The following GPS1 variants were observed in gnomAD, a reference collection of about 807,000 sequenced individuals.
GPS1 encodes COP9 signalosome complex subunit 1.
Under a neutral mutation model 60.0 loss-of-function variants are expected in GPS1, and 11 were observed. The observed-to-expected ratio is 0.18, with a 90% CI of 0.12 to 0.30. The LOEUF is 0.30. Ranked by LOEUF, GPS1 falls within the 10% of genes least tolerant of loss-of-function variation. GPS1 has a pLI of 1.00. For synonymous variants in GPS1, 343 were observed against 269.8 expected, an observed-to-expected ratio of 1.27 and a Z score of -2.66; for missense variants, 543 against 669.2, an observed-to-expected ratio of 0.81 and a Z score of 2.08.
chr17:82,055,437 G>C (rs1019293585), intron 6 of GPS1: 5 of 628,582 alleles, frequency 8.0e-6, no homozygotes, highest in Non-Finnish European at 8.5e-6. Flanking sequence ...TGCTGTCACT[G>C]TGGGCGTGAG....
upstream of GPS1, chr17:82,051,163 G>A (rs1415150119): frequency 3.1e-6 from 4 of 1,305,506 alleles, no homozygotes; most frequent in African/African-American, 1.5e-5. The surrounding 1 kb of genome is among the most constrained non-coding windows in gnomAD (Gnocchi z 4.1). Flanking sequence ...CCTGGGCAGC[G>A]TCGGGGCCTC....
Position 82,056,992 on chromosome 17 carries a change from G to T in GPS1, c.1389+18G>T, listed in dbSNP as rs747833200. ...ATGTCAAGGTGGGCTGGCTTGAGGG[G>T]GGGCAGGCGCACGGCGTGTGGGGCC... On this transcript the variant is annotated intron_variant, in intron 12 of 12. Coordinates refer to ENST00000578552, the MANE Select transcript of GPS1 (RefSeq NM_001321092.3). 2 of 1,612,474 alleles carry T rather than the reference G, an allele frequency of 1.2e-6. No homozygotes were observed. Among genetic ancestry groups the T allele is most frequent in the South Asian group, 1.1e-5 (1 of 91,056 alleles).
At chr17:82,051,140 G>A (rs1004391283), upstream of GPS1, 11 of 1,317,294 alleles carry the variant, frequency 8.4e-6, no homozygotes, top group Admixed American at 1.9e-4. The surrounding 1 kb of genome is among the most constrained non-coding windows in gnomAD (Gnocchi z 4.1). Context: ...TGGGCCCTCC[G>A]CAGGCCGCGT....
At chr17:82,051,327 C>T (rs1196198067), upstream of GPS1, 9 of 1,449,536 alleles carry the variant, frequency 6.2e-6, no homozygotes, top group Non-Finnish European at 8.1e-6. The surrounding 1 kb of genome is among the most constrained non-coding windows in gnomAD (Gnocchi z 4.1). Context: ...TCGTCCCCGT[C>T]GGTGAAGATA....
At chr17:82,051,647 G>T, upstream of GPS1, 4 of 1,064,720 alleles carry the variant, frequency 3.8e-6, no homozygotes, top group Non-Finnish European at 4.5e-6. The surrounding 1 kb of genome is among the most constrained non-coding windows in gnomAD (Gnocchi z 4.1). Flanking sequence ...GCGGGGCCGG[G>T]GCGGGGGTCC....
At position 82,057,157 on chromosome 17, in the gene GPS1, C is replaced by A; in HGVS notation, c.*30C>A. 1 of 1,568,684 alleles carries A rather than the reference C, an allele frequency of 6.4e-7. No homozygotes were observed. The highest frequency in any genetic ancestry group is 1.2e-5 in the South Asian group (1 of 84,490). On this transcript the variant is annotated 3_prime_UTR_variant, in exon 13 of 13. Coordinates refer to ENST00000578552, the MANE Select transcript of GPS1 (RefSeq NM_001321092.3). ...TGAACCTTGGCCTCCAGGACATCTG[C>A]ACCCCCTCCCCACCTCCACGGACCT... is the stretch of plus-strand genomic sequence containing the variant.
chr17:82,056,178 C>T, intron 8 of GPS1, 83 bp downstream of exon 8: 1 of 1,389,644 alleles, frequency 7.2e-7, no homozygotes. Flanking sequence ...GTCCTGGCCC[C>T]CTGGCCCCAG....
chr17:82,056,845 A>G lies in GPS1; in HGVS notation c.1260A>G (p.Leu420=), dbSNP rs1356129685. The G allele has an allele frequency of 1.1e-5, 17 of 1,612,584 alleles. No individual in the cohort carries two copies. Among genetic ancestry groups the G allele is most frequent in the Non-Finnish European group, 1.4e-5 (17 of 1,179,882 alleles). Residue 420 remains leucine (L), a synonymous_variant, in exon 12 of 13, where the codon CTA becomes CTG. Coordinates refer to ENST00000578552, the MANE Select transcript of GPS1 (RefSeq NM_001321092.3). ...SARVDSHSKI[L]YARDVDQRST... is the part of the protein sequence containing the mutation. ...CTGAGCTTGTGCCTGCACAGATCCTATACGCCCGGGACGTGGATCAGCGCA... is the reference window on the plus strand; with the variant it reads ...CTGAGCTTGTGCCTGCACAGATCCTGTACGCCCGGGACGTGGATCAGCGCA...
In GPS1 at chr17:82,054,651, C is replaced by T. The variant is rs556950675; in HGVS notation, c.450C>T (p.Gly150=). Residue 150 remains glycine (G), a synonymous_variant, in exon 4 of 13, where the codon GGC becomes GGT. Coordinates refer to ENST00000578552, the MANE Select transcript of GPS1 (RefSeq NM_001321092.3). The part of the protein sequence containing the change: ...KLDTDLKNYK[G]NSIKESIRRG... ...ACACAGACCTGAAGAACTACAAGGG[C>T]AACTCCATCAAAGAGAGCATCCGGC... The T allele has an allele frequency of 6.6e-5, 107 of 1,610,816 alleles. No homozygotes were observed. The highest frequency in any genetic ancestry group is 2.4e-4 in the South Asian group (22 of 91,042).
At position 82,057,050 on chromosome 17, in the gene GPS1, C is replaced by A; in HGVS notation, c.1390-3C>A. ...TGTGAGCTGCTCCTTGTCTCCCCTGCAGTCCCCGCCCAGAGAAGGGAGCCA... is the reference window on the plus strand; with the variant it reads ...TGTGAGCTGCTCCTTGTCTCCCCTGAAGTCCCCGCCCAGAGAAGGGAGCCA... On this transcript the variant is annotated splice_region_variant and splice_polypyrimidine_tract_variant and intron_variant, in intron 12 of 12. Coordinates refer to ENST00000578552, the MANE Select transcript of GPS1 (RefSeq NM_001321092.3). 6.2e-7 allele frequency: 1 copy of A among 1,600,352 alleles called. No homozygotes were observed.
rs1440507602 is a variant in GPS1 at position 82,057,313 on chromosome 17, G to C, written c.*186G>C. ...TGCTAGTTGTGGCCCTTCCTGGAAG[G>C]AGAGGCCTGCAGGGCTCGACCCTGT... is the stretch of plus-strand genomic sequence containing the variant. On this transcript the variant is annotated 3_prime_UTR_variant, in exon 13 of 13. Transcript: ENST00000578552. 2.5e-6 allele frequency: 2 copies of C among 805,424 alleles called. No homozygotes were observed. The highest frequency in any genetic ancestry group is 2.0e-5 in the Admixed American group (1 of 50,040). 49.9% of individuals were successfully genotyped at this position (805,424 alleles called of 1,614,324 possible).
At position 82,053,892 on chromosome 17, in the gene GPS1, T is replaced by C; in HGVS notation, c.151T>C (p.Tyr51His). 3.1e-6 allele frequency: 5 copies of C among 1,611,872 alleles called. No individual in the cohort carries two copies. Among genetic ancestry groups the C allele is most frequent in the Non-Finnish European group, 2.5e-6 (3 of 1,179,722 alleles). ...SLDLEQYAASYSGLMRIERLQ... is the reference protein window; with the variant it reads ...SLDLEQYAASHSGLMRIERLQ... ...GGATCTGGAACAGTACGCGGCCAGCTACAGCGGCCTGATGCGCATCGAACG... is the reference window on the plus strand; with the variant it reads ...GGATCTGGAACAGTACGCGGCCAGCCACAGCGGCCTGATGCGCATCGAACG... Residue 51 changes from tyrosine (Y) to histidine (H), a missense_variant, in exon 3 of 13, where the codon TAC becomes CAC. Around this residue, in one of 3 missense-constraint regions of GPS1, gnomAD observed 181 missense variants for 188.8 expected, o/e 0.96. Coordinates refer to ENST00000578552, the MANE Select transcript of GPS1 (RefSeq NM_001321092.3).
intron 2 of GPS1, 39 bp from the exon 3 acceptor site, chr17:82,053,829 C>A: frequency 6.3e-7 from 1 of 1,578,148 alleles, no homozygotes; most frequent in South Asian, 1.1e-5. Context: ...AGGGTCCTGC[C>A]TCCCATCCTG....
chr17:82,054,083 G>A (rs2031871751), intron 3 of GPS1, 34 bp downstream of exon 3: 2 of 1,577,310 alleles, frequency 1.3e-6, no homozygotes, highest in African/African-American at 2.7e-5. Flanking sequence ...GGAAGCAGAG[G>A]CCACCAAGGG....
chr17:82,051,521 C>T (rs1297190275), upstream of GPS1: 1 of 1,397,502 alleles, frequency 7.2e-7, no homozygotes. This position sits in a 1 kb window ranked among gnomAD's most constrained non-coding sequence, Gnocchi z 4.1. Flanking sequence ...CCCGGGAGAT[C>T]CAGGTGCGCA....
upstream of GPS1, chr17:82,051,203 G>A: frequency 1.2e-5 from 16 of 1,306,460 alleles, no homozygotes; most frequent in Middle Eastern, 2.8e-4. This position sits in a 1 kb window ranked among gnomAD's most constrained non-coding sequence, Gnocchi z 4.1. Flanking sequence ...GGCAGAGAAA[G>A]GCACCCACAG....
chr17:82,055,378 A>G (rs754936740), intron 6 of GPS1, 156 bp downstream of exon 6: 2 of 777,756 alleles, frequency 2.6e-6, no homozygotes, highest in Non-Finnish European at 4.4e-6. Flanking sequence ...GGTGGTGCCT[A>G]AAGTCTGCCC....
chr17:82,056,942 G>A lies in GPS1; in HGVS notation c.1357G>A (p.Ala453Thr). 1 of 1,612,890 alleles carries A rather than the reference G, an allele frequency of 6.2e-7. No homozygotes were observed. Among genetic ancestry groups the A allele is most frequent in the African/African-American group, 1.3e-5 (1 of 75,050 alleles). The change falls in exon 12 of 13, where the codon GCA becomes ACA. Residue 453 changes from alanine (A) to threonine (T), a missense_variant. Physicochemically the swap from Ala to Thr is moderately conservative, Grantham distance 58. This residue lies in a region of GPS1 where 291 missense variants were observed against 353.7 expected (regional missense o/e 0.82). Coordinates refer to ENST00000578552, the MANE Select transcript of GPS1 (RefSeq NM_001321092.3). Reference sequence around the variant, plus strand: ...CCGCGCCAAGGCCATGATGCTGCGGGCAGCTGTGCTCCGCAACCAGATCCA... The same window carrying A: ...CCGCGCCAAGGCCATGATGCTGCGGACAGCTGTGCTCCGCAACCAGATCCA... ...QRRAKAMMLR[A>T]AVLRNQIHVK... is the part of the protein sequence containing the mutation.
At chr17:82,052,836 G>A (rs2031260298) in intron 1 of GPS1, 1 of 287,604 alleles carries the variant, frequency 3.5e-6, no homozygotes, top group African/African-American at 2.2e-5. Flanking sequence ...CTGCTCCGCT[G>A]CTCAGGACAG....
Sources: allele counts gnomAD v4.1 joint callset, GRCh38; gene constraint gnomAD v4.1.1; regional missense constraint gnomAD v4.1.1; non-coding constraint Gnocchi (gnomAD v3.1); transcripts MANE v1.5; gene names NCBI Gene and HGNC (gene_info 2026-07-23, HGNC 2026-07-21).